CPA6: variants seen among roughly 807,000 people sequenced by gnomAD.
The protein encoded by CPA6 is carboxypeptidase A6.
In CPA6, 58 loss-of-function variants were observed where a neutral mutation model predicts 63.3. That is an observed-to-expected ratio of 0.92 (90% CI 0.74 to 1.14). The LOEUF (loss-of-function observed/expected upper bound fraction) is 1.14. Among genes scored for constraint, CPA6 ranks in the 50% most tolerant of loss-of-function variants. The pLI is 0.00. For synonymous variants in CPA6, 185 were observed against 179.0 expected, an observed-to-expected ratio of 1.03 and a Z score of -0.27; for missense variants, 565 against 526.6, an observed-to-expected ratio of 1.07 and a Z score of -0.71.
chr8:67,733,333 T>G (rs1440393525), intron 1 of CPA6, among the ~76,000 whole-genome samples: 7 of 151,728 alleles, frequency 4.6e-5, no homozygotes, highest in Non-Finnish European at 1.5e-5. Flanking sequence ...AATTTTTAGC[T>G]TCTCTCAAGT....
At chr8:67,639,807 C>T (rs55746871) in intron 1 of CPA6, among the ~76,000 whole-genome samples, 39,713 of 151,284 alleles carry the variant, frequency 0.26, 5,773 homozygotes, top group South Asian at 0.31. Flanking sequence ...GAATGAGGTA[C>T]GCAGACAAGT....
intron 1 of CPA6, among the ~76,000 whole-genome samples, chr8:67,666,940 A>G (rs1323510920): frequency 6.6e-6 from 1 of 151,984 alleles, no homozygotes; most frequent in Non-Finnish European, 1.5e-5. Flanking sequence ...CTGGGGAAAA[A>G]CCTGCTATGC....
intron 10 of CPA6, among the ~76,000 whole-genome samples, chr8:67,424,320 C>T (rs77208434): frequency 1.0e-3 from 158 of 152,290 alleles, no homozygotes; most frequent in South Asian, 4.8e-3. Context: ...CACCCCTGTC[C>T]GTGGAATAAC....
chr8:67,588,906 C>T (rs1310521317), intron 2 of CPA6, among the ~76,000 whole-genome samples: 1 of 152,002 alleles, frequency 6.6e-6, no homozygotes. Context: ...CACTTGAGTC[C>T]AGGGGTTTGA....
chr8:67,687,702 C>T (rs1293823858), intron 1 of CPA6, among the ~76,000 whole-genome samples: 4 of 152,096 alleles, frequency 2.6e-5, no homozygotes, highest in African/African-American at 9.7e-5. Flanking sequence ...GTTTCTGGCT[C>T]TTTCATTACT....
rs1378174066 is a variant in CPA6, at chr8:67,690,407, C to T, written c.116+55607G>A. On this transcript the variant is annotated intron_variant, in intron 1 of 10. Transcript: ENST00000297770. The stretch of plus-strand genomic sequence containing the variant: ...TTTAAAGATCTGTATGACTATTTCT[C>T]AGCACATCAAGTAAATTTGTTGAGA... 2.0e-5 allele frequency among the ~76,000 whole-genome samples: 3 copies of T among 152,172 alleles called. No homozygotes were observed. In the East Asian group the frequency reaches 5.8e-4, roughly 29 times the overall value.
At chr8:67,584,881 A>G (rs1813884184) in intron 2 of CPA6, among the ~76,000 whole-genome samples, 2 of 152,166 alleles carry the variant, frequency 1.3e-5, no homozygotes, top group South Asian at 2.1e-4. Context: ...AACATCTCCG[A>G]TGTGGTTGTA....
rs1563950849 is a variant in CPA6 at position 67,434,178 on chromosome 8, G to A, written c.901C>T (p.Pro301Ser). The A allele has an allele frequency of 2.5e-6, 4 of 1,614,042 alleles. No individual in the cohort carries two copies. The highest frequency in any genetic ancestry group is 3.4e-6 in the Non-Finnish European group (4 of 1,180,040). Residue 301 changes from proline (P) to serine (S), a missense_variant, in exon 9 of 11, where the codon CCG becomes TCG. Physicochemically the swap from Pro to Ser is moderately conservative, Grantham distance 74 (BLOSUM62 -1). Coordinates refer to ENST00000297770, the MANE Select transcript of CPA6 (RefSeq NM_020361.5). ...TYCGPFPESEPEVKAVANFLR... is the reference protein window; with the variant it reads ...TYCGPFPESESEVKAVANFLR... The stretch of plus-strand genomic sequence containing the variant: ...AAGTTAGCTACAGCCTTCACTTCCG[G>A]CTCAGATTCTGGAAAAGGGCCACAG...
At chr8:67,468,621 T>TAAAAG (rs1392034571) in intron 8 of CPA6, among the ~76,000 whole-genome samples, 1 of 148,934 alleles carries the variant, frequency 6.7e-6, no homozygotes, top group Non-Finnish European at 1.5e-5. Flanking sequence ...TAAAATAAAA[T>TAAAAG]AAAATAATAA....
chr8:67,585,389 C>A (rs1813900180), intron 2 of CPA6, among the ~76,000 whole-genome samples: 1 of 152,178 alleles, frequency 6.6e-6, no homozygotes, highest in Non-Finnish European at 1.5e-5. Context: ...TGGAAGAATA[C>A]ATGCTTGTTA....
chr8:67,462,638 A>G (rs1310402542), intron 8 of CPA6, among the ~76,000 whole-genome samples: 1 of 152,214 alleles, frequency 6.6e-6, no homozygotes, highest in Non-Finnish European at 1.5e-5. Flanking sequence ...TGTTTTCCAC[A>G]TCTTTCCAAT....
chr8:67,422,101 T>C lies in CPA6; in HGVS notation c.*403A>G, dbSNP rs2128950233. On this transcript the variant is annotated 3_prime_UTR_variant, in exon 11 of 11. Coordinates refer to ENST00000297770, the MANE Select transcript of CPA6 (RefSeq NM_020361.5). ...TTTATTACATTAAGAAGCATAGTTGTTTTTTTCCATTTCATAATTTTCCAT... is the reference window on the plus strand; with the variant it reads ...TTTATTACATTAAGAAGCATAGTTGCTTTTTTCCATTTCATAATTTTCCAT... 6.3e-6 allele frequency: 1 copy of C among 158,534 alleles called. No individual in the cohort carries two copies. The highest frequency in any genetic ancestry group is 1.9e-4 in the South Asian group (1 of 5,284). 9.8% of individuals were successfully genotyped at this position (158,534 alleles called of 1,614,324 possible).
rs1205903346 is a variant in CPA6 at position 67,511,604 on chromosome 8, G to A, written c.369C>T (p.His123=). Reference sequence around the variant, plus strand: ...AGAGGGATCTTCGGTTTCTCTGGGTGTGCAAGCTGCTTCCCTTCTCCAGTG... The same window carrying A: ...AGAGGGATCTTCGGTTTCTCTGGGTATGCAAGCTGCTTCCCTTCTCCAGTG... ...QKTLEKGSSL[H]TQRNRRSLSG... The change falls in exon 4 of 11, where the codon CAC becomes CAT. Residue 123 remains histidine, a synonymous_variant. Transcript: ENST00000297770. 1.2e-6 allele frequency: 2 copies of A among 1,612,756 alleles called. No homozygotes were observed. The highest frequency in any genetic ancestry group is 1.7e-6 in the Non-Finnish European group (2 of 1,178,854).
chr8:67,494,291 T>G (rs1435852620), intron 6 of CPA6, among the ~76,000 whole-genome samples: 1 of 152,218 alleles, frequency 6.6e-6, no homozygotes, highest in Non-Finnish European at 1.5e-5. Flanking sequence ...TAGTCAGGGC[T>G]ATCAGTCATT....
intron 1 of CPA6, among the ~76,000 whole-genome samples, chr8:67,734,483 G>A (rs1479076606): frequency 1.3e-5 from 2 of 151,088 alleles, no homozygotes; most frequent in African/African-American, 4.9e-5. Flanking sequence ...ATTTCTGTCA[G>A]ATATTACATT....
At chr8:67,733,970 G>A (rs114889139) in intron 1 of CPA6, among the ~76,000 whole-genome samples, 4,909 of 149,998 alleles carry the variant, frequency 0.033, 240 homozygotes, top group African/African-American at 0.11. Flanking sequence ...ATTCTCCTGG[G>A]CTCAAGTGAT....
chr8:67,626,432 G>C (rs1815195843), intron 1 of CPA6, among the ~76,000 whole-genome samples: 1 of 152,076 alleles, frequency 6.6e-6, no homozygotes, highest in African/African-American at 2.4e-5. Flanking sequence ...ATAAATTACT[G>C]TTTTATGGAC....
intron 1 of CPA6, among the ~76,000 whole-genome samples, chr8:67,726,114 A>G (rs938078345): frequency 6.6e-6 from 1 of 152,186 alleles, no homozygotes; most frequent in Non-Finnish European, 1.5e-5. Context: ...AGAGGCCAAG[A>G]AAAATGATTT....
Position 67,428,048 on chromosome 8 carries a change from C to A in CPA6, c.1125G>T (p.Leu375Phe). Reference protein sequence around the residue: ...RYRYGPASTTLYVSSGSSMDW... With the variant: ...RYRYGPASTTFYVSSGSSMDW... Reference sequence around the variant, plus strand: ...ACACAATGTACGCAGGAAACTTACACAACGTTGTGGAGGCTGGTCCATATC... The same window carrying A: ...ACACAATGTACGCAGGAAACTTACAAAACGTTGTGGAGGCTGGTCCATATC... Residue 375 changes from leucine (L) to phenylalanine (F), a missense_variant and splice_region_variant, in exon 10 of 11, where the codon TTG becomes TTT. Physicochemically the swap from Leu to Phe is conservative, Grantham distance 22. Transcript: ENST00000297770. 6.2e-7 allele frequency: 1 copy of A among 1,603,130 alleles called. No homozygotes were observed. The highest frequency in any genetic ancestry group is 1.7e-5 in the Admixed American group (1 of 59,766).
Sources: allele counts gnomAD v4.1 joint callset (sites outside exome capture counted in the v4.1 genomes callset), GRCh38; gene constraint gnomAD v4.1.1; transcripts MANE v1.5; gene names NCBI Gene and HGNC (gene_info 2026-07-23, HGNC 2026-07-21).